Variants in SLC5A4 observed in about 807,000 individuals in gnomAD.
SLC5A4 encodes probable glucose sensor protein SLC5A4.
SLC5A4 carries 55 observed loss-of-function variants against 70.3 expected under a neutral mutation model. That is an observed-to-expected ratio of 0.78 (90% CI 0.63 to 0.98). The LOEUF is 0.98. Among genes scored for constraint, SLC5A4 ranks in the 50% least tolerant of loss-of-function variants. SLC5A4 has a pLI of 0.00. For synonymous variants in SLC5A4, 268 were observed against 305.7 expected (o/e 0.88, Z 1.29); for missense variants, 735 against 839.2 (o/e 0.88, Z 1.53).
At chr22:32,226,059 C>A (rs1397339951) in intron 11 of SLC5A4, among the ~76,000 whole-genome samples, 1 of 152,140 alleles carries the variant, frequency 6.6e-6, no homozygotes. Context: ...GATTAAATAT[C>A]TATTCATAAA....
the SLC5A4 span, among the ~76,000 whole-genome samples, chr22:32,273,941 T>C: frequency 4.1e-4 from 62 of 152,186 alleles, no homozygotes; most frequent in African/African-American, 1.4e-3. Context: ...CCCAGGGATA[T>C]GAACAGATAC....
the SLC5A4 span, among the ~76,000 whole-genome samples, chr22:32,263,965 T>C: frequency 3.3e-5 from 5 of 152,046 alleles, no homozygotes; most frequent in African/African-American, 1.2e-4. Flanking sequence ...AACCAAACAC[T>C]GCATGTTCTC....
chr22:32,330,923 C>CGGGG, the SLC5A4 span, among the ~76,000 whole-genome samples: 20 of 25,126 alleles, frequency 8.0e-4, no homozygotes, highest in East Asian at 2.4e-3. Context: ...GTGTTGGAGG[C>CGGGG]CTCTGGTGTG....
chr22:32,222,532 T>G (rs1362645473), intron 13 of SLC5A4, among the ~76,000 whole-genome samples: 8 of 152,182 alleles, frequency 5.3e-5, no homozygotes, highest in Non-Finnish European at 1.2e-4. Context: ...CAATATTTTT[T>G]TCCTAAAAAT....
At chr22:32,263,944 C>T in the SLC5A4 span, among the ~76,000 whole-genome samples, 14 of 152,204 alleles carry the variant, frequency 9.2e-5, no homozygotes, top group South Asian at 1.0e-3. Context: ...TAAACTAACA[C>T]AAGAACAGAA....
the SLC5A4 span, among the ~76,000 whole-genome samples, chr22:32,354,067 A>G: frequency 2.0e-5 from 3 of 149,532 alleles, no homozygotes; most frequent in Admixed American, 6.6e-5. Flanking sequence ...GCCGGAACCA[A>G]TGTGGCCCCA....
chr22:32,248,716 T>G (rs767428415), intron 4 of SLC5A4, 27 bp downstream of exon 4: 19 of 1,524,446 alleles, frequency 1.2e-5, no homozygotes, highest in East Asian at 4.5e-5. Context: ...AGAACTGAAC[T>G]CTGGCATTTT....
rs746973113 is a variant in SLC5A4 at position 32,255,292 on chromosome 22, G to C, written c.38C>G (p.Thr13Ser). 3.7e-5 allele frequency: 59 copies of C among 1,614,008 alleles called. No homozygotes were observed. The highest frequency in any genetic ancestry group is 4.9e-5 in the Non-Finnish European group (58 of 1,180,000). Residue 13 changes from threonine to serine, a missense_variant, in exon 1 of 15, where the codon ACC becomes AGC. By Grantham distance (58) the Thr-to-Ser change is moderately conservative. Coordinates refer to ENST00000266086, the MANE Select transcript of SLC5A4 (RefSeq NM_014227.3). The stretch of plus-strand genomic sequence containing the variant: ...GTCAGACAATGGAGGTGGCTCTGGG[G>C]TCTCAGCTATGGTGCTGGGGCTAAC... ...STVSPSTIAE[T>S]PEPPPLSDHI...
the SLC5A4 span, among the ~76,000 whole-genome samples, chr22:32,265,611 G>C: frequency 6.6e-6 from 1 of 152,102 alleles, no homozygotes; most frequent in African/African-American, 2.4e-5. Flanking sequence ...AGGCTGAGGT[G>C]GGTGGATCAC....
the SLC5A4 span, among the ~76,000 whole-genome samples, chr22:32,318,856 T>C: frequency 6.6e-6 from 1 of 152,202 alleles, no homozygotes; most frequent in Admixed American, 6.5e-5. Flanking sequence ...TTTCATTCTC[T>C]CCACTCCAAC....
the SLC5A4 span, among the ~76,000 whole-genome samples, chr22:32,266,402 CACTATTACTTCATTTATCAA>C: frequency 6.6e-6 from 1 of 152,104 alleles, no homozygotes; most frequent in Non-Finnish European, 1.5e-5. Context: ...TAGGTAGTTT[CACTATTACTTCATTTATCAA>C]ACGTGGTTCA....
the SLC5A4 span, among the ~76,000 whole-genome samples, chr22:32,305,846 C>T: frequency 1.3e-5 from 2 of 151,762 alleles, no homozygotes; most frequent in East Asian, 1.9e-4. Context: ...CCCCACCCCC[C>T]ACGTGCTTTC....
chr22:32,248,371 T>G (rs1926953210), intron 4 of SLC5A4, among the ~76,000 whole-genome samples: 1 of 152,092 alleles, frequency 6.6e-6, no homozygotes, highest in Non-Finnish European at 1.5e-5. Flanking sequence ...AAATCAACCA[T>G]CAGTTCTCCC....
chr22:32,301,515 A>G, the SLC5A4 span, among the ~76,000 whole-genome samples: 40 of 152,346 alleles, frequency 2.6e-4, 1 homozygote, highest in South Asian at 8.3e-3. Context: ...AAGAAATTTT[A>G]AAAGGTCTAA....
At chr22:32,312,178 C>T in the SLC5A4 span, among the ~76,000 whole-genome samples, 1 of 152,016 alleles carries the variant, frequency 6.6e-6, no homozygotes, top group Non-Finnish European at 1.5e-5. Flanking sequence ...ATTTTCAAAT[C>T]CCCAGTGCTC....
At chr22:32,304,442 T>G in the SLC5A4 span, among the ~76,000 whole-genome samples, 1 of 114,706 alleles carries the variant, frequency 8.7e-6, no homozygotes, top group African/African-American at 3.1e-5. Flanking sequence ...ATGCCCAGCT[T>G]GTTTTTTCTT....
chr22:32,290,410 G>A, the SLC5A4 span, among the ~76,000 whole-genome samples: 1 of 151,754 alleles, frequency 6.6e-6, no homozygotes, highest in Non-Finnish European at 1.5e-5. Context: ...TTGTCCCTGG[G>A]GTTTTCTTAG....
chr22:32,306,640 A>T, the SLC5A4 span, among the ~76,000 whole-genome samples: 1 of 152,048 alleles, frequency 6.6e-6, no homozygotes, highest in Non-Finnish European at 1.5e-5. Context: ...CAGGAGAGAA[A>T]ATATTTCCAT....
At chr22:32,249,998 A>G (rs955747473) in intron 3 of SLC5A4, among the ~76,000 whole-genome samples, 4 of 152,160 alleles carry the variant, frequency 2.6e-5, no homozygotes, top group Admixed American at 6.5e-5. Context: ...CAGGGCAGTC[A>G]AAAGATTGGA....
Sources: gnomAD v4.1 joint callset for allele counts (sites outside exome capture counted in the v4.1 genomes callset) on GRCh38, gnomAD v4.1.1 for gene constraint, MANE v1.5 for transcripts, NCBI Gene and HGNC (gene_info 2026-07-23, HGNC 2026-07-21) for gene names.